FANCC: variants seen among roughly 807,000 people sequenced by gnomAD.
FANCC encodes the protein Fanconi anemia group C protein.
FANCC carries 55 observed loss-of-function variants against 71.3 expected under a neutral mutation model. The observed-to-expected ratio is 0.77, with a 90% CI of 0.62 to 0.97. The LOEUF is 0.97. FANCC is among the 50% of genes least tolerant of loss of function. The probability of loss-of-function intolerance (pLI) is 0.00; values close to 1 mark genes in which losing one functional copy is unlikely to be tolerated. For synonymous variants in FANCC, 275 were observed against 244.9 expected (o/e 1.12, Z -1.15); for missense variants, 678 against 670.9 (o/e 1.01, Z -0.12).
At chr9:95,109,532 G>A (rs73528471) in intron 13 of FANCC, 28 of 151,218 alleles carry the variant, frequency 1.9e-4, no homozygotes, top group African/African-American at 6.8e-4. Flanking sequence ...ATTTTGTTGT[G>A]ATCTGATTCA....
intron 4 of FANCC, among the ~76,000 whole-genome samples, chr9:95,220,814 A>C (rs1478753139): frequency 6.6e-6 from 1 of 152,134 alleles, no homozygotes; most frequent in East Asian, 1.9e-4. Context: ...ACATGTATAC[A>C]TATGTAACAA....
chr9:95,211,397 T>G (rs1159005471), intron 4 of FANCC, among the ~76,000 whole-genome samples: 2 of 152,218 alleles, frequency 1.3e-5, no homozygotes, highest in African/African-American at 2.4e-5. Context: ...AATAATAATC[T>G]GTGCATATGT....
chr9:95,297,574 T>G lies in FANCC; in HGVS notation c.-79+19952A>C, dbSNP rs4647376. On this transcript the variant is annotated intron_variant, in intron 1 of 14. Coordinates refer to ENST00000289081, the MANE Select transcript of FANCC (RefSeq NM_000136.3). The stretch of plus-strand genomic sequence containing the variant: ...TGGAGAGAAAGGAAAGGCTGTGGTG[T>G]TATCTAATTACCTCCATTACTTTAT... Among the ~76,000 whole-genome samples the G allele has an allele frequency of 0.72, 109,715 of 152,050 alleles. 39,724 individuals carry two copies. Among genetic ancestry groups the G allele is most frequent in the Non-Finnish European group, 0.74 (50,555 of 67,982 alleles).
intron 1 of FANCC, among the ~76,000 whole-genome samples, chr9:95,286,767 T>G (rs1833713467): frequency 6.6e-6 from 1 of 152,160 alleles, no homozygotes. Context: ...CCACAGCACT[T>G]TCCTGGCACG....
chr9:95,148,150 T>G (rs1196057650), intron 7 of FANCC, among the ~76,000 whole-genome samples: 2 of 152,208 alleles, frequency 1.3e-5, no homozygotes, highest in Non-Finnish European at 2.9e-5. Flanking sequence ...TATGAATGTC[T>G]GATGAAGCAG....
intron 1 of FANCC, among the ~76,000 whole-genome samples, chr9:95,288,992 T>A (rs1380708914): frequency 1.3e-5 from 2 of 151,972 alleles, no homozygotes; most frequent in African/African-American, 4.8e-5. Flanking sequence ...TCCTAGCTGC[T>A]TGGGAGGCTG....
intron 10 of FANCC, among the ~76,000 whole-genome samples, chr9:95,122,002 C>T (rs890723178): frequency 9.9e-5 from 15 of 151,928 alleles, no homozygotes; most frequent in Admixed American, 2.0e-4. Flanking sequence ...GGACTATAAG[C>T]GCCCACCACC....
At chr9:95,305,153 A>G (rs1835000523) in intron 1 of FANCC, among the ~76,000 whole-genome samples, 1 of 152,234 alleles carries the variant, frequency 6.6e-6, no homozygotes. Context: ...ATGGAATTTA[A>G]TGCAATTACC....
Position 95,172,194 on chromosome 9 carries a change from A to G in FANCC, c.346-47T>C, listed in dbSNP as rs115475539. The G allele has an allele frequency of 3.4e-4, 435 of 1,267,582 alleles. 1 individual carries two copies. In the African/African-American group the frequency reaches 4.7e-3, roughly 14 times the overall value. 78.5% of individuals were successfully genotyped at this position (1,267,582 alleles called of 1,614,324 possible). On this transcript the variant is annotated intron_variant, in intron 4 of 14. Coordinates refer to ENST00000289081, the MANE Select transcript of FANCC (RefSeq NM_000136.3). ...AGTTAACTTCTTTAAAAGTAAATGC[A>G]AGTGCCTTTTATGTACAATGCCTAC...
intron 1 of FANCC, among the ~76,000 whole-genome samples, chr9:95,273,691 G>GA (rs1832866322): frequency 1.3e-5 from 2 of 152,144 alleles, no homozygotes; most frequent in African/African-American, 4.8e-5. Flanking sequence ...TTCAGCCCAA[G>GA]AACTAACCAT....
intron 8 of FANCC, among the ~76,000 whole-genome samples, chr9:95,128,689 A>G (rs930815415): frequency 1.3e-5 from 2 of 152,178 alleles, no homozygotes; most frequent in Non-Finnish European, 2.9e-5. Flanking sequence ...CGCTCAATCC[A>G]ATGTTTTAAA....
At chr9:95,205,410 T>A (rs1828062796) in intron 4 of FANCC, among the ~76,000 whole-genome samples, 1 of 152,100 alleles carries the variant, frequency 6.6e-6, no homozygotes, top group African/African-American at 2.4e-5. Flanking sequence ...TCTTTAATTA[T>A]ATATATGAAG....
intron 3 of FANCC, among the ~76,000 whole-genome samples, chr9:95,241,639 C>G (rs1203362485): frequency 6.6e-6 from 1 of 152,158 alleles, no homozygotes; most frequent in Admixed American, 6.6e-5. Context: ...GCCACCTCAT[C>G]TTCTGCAATC....
chr9:95,123,780 G>C (rs186119389), intron 10 of FANCC: 1 of 699,178 alleles, frequency 1.4e-6, no homozygotes, highest in African/African-American at 1.8e-5. Context: ...GTCAGGAATC[G>C]ATCTTGTGAA....
chr9:95,283,446 C>A (rs993115770), intron 1 of FANCC, among the ~76,000 whole-genome samples: 6 of 152,186 alleles, frequency 3.9e-5, no homozygotes, highest in African/African-American at 1.4e-4. Flanking sequence ...GCGCACAGGA[C>A]CAATAAGGCA....
In FANCC at chr9:95,107,153, A is replaced by G. The variant is rs754079401; in HGVS notation, c.1446T>C (p.Pro482=). 1.2e-6 allele frequency: 2 copies of G among 1,614,102 alleles called. No individual in the cohort carries two copies. Among genetic ancestry groups the G allele is most frequent in the Admixed American group, 1.7e-5 (1 of 59,994 alleles). ...GQGTDTDLRA[P]AQQLIRHLLL... is the part of the protein sequence containing the mutation. ...GAAGGTGCCTGATCAGCTGTTGTGC[A>G]GGAGCTCTGAGGTCTGTGTCTGTGC... Residue 482 remains proline (P), a synonymous_variant, in exon 14 of 15, where the codon CCT becomes CCC. Coordinates refer to ENST00000289081, the MANE Select transcript of FANCC (RefSeq NM_000136.3).
chr9:95,226,450 G>T (rs1053870876), intron 4 of FANCC, among the ~76,000 whole-genome samples: 1 of 152,326 alleles, frequency 6.6e-6, no homozygotes, highest in South Asian at 2.1e-4. Context: ...AGAAGACAGC[G>T]TCTCCCCGGG....
chr9:95,167,006 C>T (rs1825342289), intron 6 of FANCC, among the ~76,000 whole-genome samples: 1 of 152,106 alleles, frequency 6.6e-6, no homozygotes. Flanking sequence ...TGAACTCCTT[C>T]AGCTTTTGTT....
At chr9:95,183,486 C>T (rs536361055) in intron 4 of FANCC, among the ~76,000 whole-genome samples, 1 of 152,364 alleles carries the variant, frequency 6.6e-6, no homozygotes, top group South Asian at 2.1e-4. Context: ...ATAATCGCTG[C>T]AGGATTCCCT....
Sources: allele counts gnomAD v4.1 joint callset (sites outside exome capture counted in the v4.1 genomes callset), GRCh38; gene constraint gnomAD v4.1.1; transcripts MANE v1.5; gene names NCBI Gene and HGNC (gene_info 2026-07-23, HGNC 2026-07-21).